The following HLCS variants were observed in gnomAD, a reference collection of about 807,000 sequenced individuals.
HLCS encodes biotin--protein ligase.
Under a neutral mutation model 75.0 loss-of-function variants are expected in HLCS, and 53 were observed. That is an observed-to-expected ratio of 0.71 (90% CI 0.57 to 0.89). The LOEUF is 0.89. HLCS is among the 40% of genes least tolerant of loss of function. HLCS has a pLI of 0.00. For missense variants in HLCS, 966 were observed against 1,074.0 expected (o/e 0.90, Z 1.41); for synonymous variants, 431 against 428.6 (o/e 1.01, Z -0.07).
chr21:36,910,034 T>C (rs1239830100), intron 5 of HLCS, among the ~76,000 whole-genome samples: 3 of 152,210 alleles, frequency 2.0e-5, no homozygotes, highest in East Asian at 1.9e-4. Flanking sequence ...ATCAAAGACA[T>C]GGTACGCAAT....
intron 1 of HLCS, among the ~76,000 whole-genome samples, chr21:36,963,586 C>T (rs2068420287): frequency 6.6e-6 from 1 of 152,012 alleles, no homozygotes; most frequent in South Asian, 2.1e-4. Flanking sequence ...AACCCTGTCT[C>T]TACTAAAAAT....
chr21:36,988,669 AC>A (rs2069274009), intron 1 of HLCS, among the ~76,000 whole-genome samples: 1 of 152,212 alleles, frequency 6.6e-6, no homozygotes. Flanking sequence ...TTGCATTCCC[AC>A]CAGCAATGTA....
chr21:36,935,778 T>C (rs1186082803), intron 4 of HLCS, among the ~76,000 whole-genome samples: 1 of 152,238 alleles, frequency 6.6e-6, no homozygotes, highest in Admixed American at 6.5e-5. Context: ...AAAAAGAAGA[T>C]GAGCCAAAGG....
At chr21:36,968,218 G>T (rs761674776), upstream of HLCS, among the ~76,000 whole-genome samples, 9 of 151,902 alleles carry the variant, frequency 5.9e-5, no homozygotes, top group Non-Finnish European at 1.0e-4. Flanking sequence ...CAAACTCCTG[G>T]TCTCGAGCAG....
intron 6 of HLCS, among the ~76,000 whole-genome samples, chr21:36,782,786 T>C (rs1010714051): frequency 2.6e-5 from 4 of 152,012 alleles, no homozygotes; most frequent in South Asian, 2.1e-4. Flanking sequence ...GTGGCCAACA[T>C]AGTGAAACCC....
intron 2 of HLCS, among the ~76,000 whole-genome samples, chr21:36,949,778 C>G (rs2067585113): frequency 6.6e-6 from 1 of 152,200 alleles, no homozygotes; most frequent in Admixed American, 6.5e-5. Flanking sequence ...GAGCTCAAAG[C>G]AGAGTCACAG....
chr21:36,881,271 G>A (rs1158652311), intron 6 of HLCS, among the ~76,000 whole-genome samples: 3 of 152,024 alleles, frequency 2.0e-5, no homozygotes, highest in Non-Finnish European at 2.9e-5. Flanking sequence ...CGCCTGGCCC[G>A]GCAGAGATTT....
chr21:36,947,023 CAG>C (rs1248744200), intron 2 of HLCS, among the ~76,000 whole-genome samples: 3 of 152,108 alleles, frequency 2.0e-5, no homozygotes, highest in Non-Finnish European at 4.4e-5. Context: ...GCGTGGGAAA[CAG>C]GGAAACGAAC....
In HLCS at chr21:36,870,301, TG is replaced by T. The variant is rs562243349; in HGVS notation, c.1892+26558del. Among the ~76,000 whole-genome samples, 500 of 151,858 alleles carry T rather than the reference TG, an allele frequency of 3.3e-3. 3 individuals are homozygous for T. Among genetic ancestry groups the T allele is most frequent in the African/African-American group, 0.012 (484 of 41,370 alleles). On this transcript the variant is annotated intron_variant, in intron 6 of 10. Transcript: ENST00000674895. ...CCACAGGCTTATTACCATGAAGGGG[TG>T]GGGGGAGGAAGAAAAGAGAATACAC... is the stretch of plus-strand genomic sequence containing the variant.
chr21:36,930,019 C>T (rs1260250256), intron 5 of HLCS, among the ~76,000 whole-genome samples: 1 of 152,194 alleles, frequency 6.6e-6, no homozygotes, highest in African/African-American at 2.4e-5. Context: ...TGGAAAGGGC[C>T]ACACCTGCAG....
At chr21:36,893,323 C>T (rs537100676) in intron 6 of HLCS, among the ~76,000 whole-genome samples, 3 of 152,226 alleles carry the variant, frequency 2.0e-5, no homozygotes, top group East Asian at 1.9e-4. Context: ...CCACCCACCT[C>T]GGCCTCCCAA....
chr21:36,783,861 A>C (rs1021770642), intron 6 of HLCS, among the ~76,000 whole-genome samples: 2 of 152,078 alleles, frequency 1.3e-5, no homozygotes, highest in African/African-American at 4.8e-5. Flanking sequence ...ACACACACAC[A>C]CACTTGATTG....
intron 4 of HLCS, among the ~76,000 whole-genome samples, chr21:36,931,492 G>A (rs1248788413): frequency 6.6e-6 from 1 of 152,106 alleles, no homozygotes; most frequent in Non-Finnish European, 1.5e-5. Flanking sequence ...GCTCACACCT[G>A]TAATCCCAAC....
intron 5 of HLCS, among the ~76,000 whole-genome samples, chr21:36,908,116 G>A (rs954623560): frequency 6.6e-6 from 1 of 151,710 alleles, no homozygotes; most frequent in African/African-American, 2.4e-5. Flanking sequence ...CGGCCACAGT[G>A]GCTCATATCT....
At chr21:36,843,775 T>C (rs1165118446) in intron 6 of HLCS, among the ~76,000 whole-genome samples, 2 of 151,480 alleles carry the variant, frequency 1.3e-5, no homozygotes, top group Non-Finnish European at 2.9e-5. Flanking sequence ...GGTCGAGAGG[T>C]AGGAGGCCTG....
chr21:36,783,849 C>CCA (rs146189484), intron 6 of HLCS, among the ~76,000 whole-genome samples: 7,274 of 151,618 alleles, frequency 0.048, 493 homozygotes, highest in African/African-American at 0.15. Flanking sequence ...ATGCACAAAT[C>CCA]CACACACACA....
At chr21:36,917,944 T>A (rs2066001582) in intron 5 of HLCS, among the ~76,000 whole-genome samples, 1 of 132,162 alleles carries the variant, frequency 7.6e-6, no homozygotes, top group African/African-American at 3.0e-5. Context: ...GATCTGTCTC[T>A]TGCATTAAAA....
At position 36,912,735 on chromosome 21, in the gene HLCS, C is replaced by T. The variant is rs2065772401; in HGVS notation, c.1621-15604G>A. Among the ~76,000 whole-genome samples the T allele has an allele frequency of 2.0e-5, 3 of 152,134 alleles. 1 individual carries two copies. The South Asian group carries it at 6.2e-4, about 32-fold the overall frequency. Reference sequence around the variant, plus strand: ...TCAGTTCCTTTACTCTCACAAAGCTCCCTGTCCTCTATGCAATTAGCCACC... The same window carrying T: ...TCAGTTCCTTTACTCTCACAAAGCTTCCTGTCCTCTATGCAATTAGCCACC... On this transcript the variant is annotated intron_variant, in intron 5 of 10. Coordinates refer to ENST00000674895, the MANE Select transcript of HLCS (RefSeq NM_001352514.2).
intron 1 of HLCS, among the ~76,000 whole-genome samples, chr21:36,973,397 A>G (rs1211687279): frequency 2.2e-5 from 3 of 136,600 alleles, no homozygotes; most frequent in Non-Finnish European, 4.9e-5. Context: ...AAGCACTTCA[A>G]AAACAGACTG....
Sources: gnomAD v4.1 joint callset for allele counts (sites outside exome capture counted in the v4.1 genomes callset) on GRCh38, gnomAD v4.1.1 for gene constraint, MANE v1.5 for transcripts, NCBI Gene and HGNC (gene_info 2026-07-23, HGNC 2026-07-21) for gene names.